The following COL11A1 variants were observed in gnomAD, a reference collection of about 807,000 sequenced individuals.
The protein encoded by COL11A1 is collagen type XI alpha 1 chain.
In COL11A1, 74 loss-of-function variants were observed where a neutral mutation model predicts 265.2. The observed-to-expected ratio is 0.28, with a 90% confidence interval of 0.23 to 0.34. The LOEUF is 0.34. Among genes scored for constraint, COL11A1 ranks in the 10% least tolerant of loss-of-function variants. COL11A1 has a pLI of 1.00. For synonymous variants in COL11A1, 816 were observed against 727.6 expected, an observed-to-expected ratio of 1.12 and a Z score of -1.96; for missense variants, 2,165 against 2,263.6, an observed-to-expected ratio of 0.96 and a Z score of 0.88.
At chr1:103,084,377 C>A (rs1672691200) in intron 1 of COL11A1, among the ~76,000 whole-genome samples, 4 of 152,144 alleles carry the variant, frequency 2.6e-5, no homozygotes, top group Middle Eastern at 3.4e-3. Context: ...ACATATATGC[C>A]TAAAATAATT....
chr1:103,066,149 C>A (rs886334830), intron 4 of COL11A1, among the ~76,000 whole-genome samples: 14 of 152,086 alleles, frequency 9.2e-5, no homozygotes, highest in African/African-American at 3.4e-4. Flanking sequence ...TTAAAGAAAA[C>A]TTTTTAGACT....
chr1:103,066,027 G>C (rs1356410083), intron 4 of COL11A1, among the ~76,000 whole-genome samples: 1 of 152,002 alleles, frequency 6.6e-6, no homozygotes, highest in Non-Finnish European at 1.5e-5. Flanking sequence ...TGTCAACCCA[G>C]AATTCTATGG....
intron 57 of COL11A1, among the ~76,000 whole-genome samples, chr1:102,893,688 A>G (rs927195240): frequency 6.6e-6 from 1 of 152,172 alleles, no homozygotes; most frequent in South Asian, 2.1e-4. Flanking sequence ...ACTTTCTGGA[A>G]TATTTGCTTT....
At chr1:102,898,885 A>C in intron 55 of COL11A1, 56 bp downstream of exon 55, 1 of 1,177,668 alleles carries the variant, frequency 8.5e-7, no homozygotes, top group Non-Finnish European at 1.2e-6. Context: ...TTCAAATATA[A>C]TACCTTGTAT....
intron 4 of COL11A1, among the ~76,000 whole-genome samples, chr1:103,037,137 T>C (rs989958926): frequency 6.1e-5 from 9 of 147,678 alleles, no homozygotes; most frequent in Non-Finnish European, 1.2e-4. Context: ...TGCATATATA[T>C]AATTTTATAT....
intron 54 of COL11A1, among the ~76,000 whole-genome samples, chr1:102,903,280 C>A (rs1295798267): frequency 6.6e-6 from 1 of 152,008 alleles, no homozygotes; most frequent in Non-Finnish European, 1.5e-5. Flanking sequence ...TGTTTAATAA[C>A]CACTAGAATT....
chr1:102,976,288 G>GTTTTTTT (rs1557893410), intron 35 of COL11A1, among the ~76,000 whole-genome samples: 2 of 45,236 alleles, frequency 4.4e-5, no homozygotes, highest in Non-Finnish European at 5.8e-5. Context: ...GAAAACGTTG[G>GTTTTTTT]CTTTTTTTTT....
At chr1:102,911,481 G>C (rs888170672) in intron 54 of COL11A1, among the ~76,000 whole-genome samples, 1 of 152,092 alleles carries the variant, frequency 6.6e-6, no homozygotes, top group African/African-American at 2.4e-5. Context: ...TCATGTGCCG[G>C]TTTGAAAATA....
chr1:103,003,245 T>C lies in COL11A1; in HGVS notation c.1968A>G (p.Pro656=), dbSNP rs1571000308. The C allele has an allele frequency of 1.2e-6, 2 of 1,613,552 alleles. No homozygotes were observed. The highest frequency in any genetic ancestry group is 1.7e-6 in the Non-Finnish European group (2 of 1,179,844). The change falls in exon 21 of 67, where the codon CCA becomes CCG. Residue 656 remains proline (P), a synonymous_variant. Coordinates refer to ENST00000370096, the MANE Select transcript of COL11A1 (RefSeq NM_001854.4). The part of the protein sequence containing the change: ...GEAGPRGLLG[P]RGTPGAPGQP... ...GCCCTGGAGCTCCTGGAGTTCCCCT[T>C]GGACCCAGCAAACCTCGTGGGCCCT... is the stretch of plus-strand genomic sequence containing the variant.
chr1:102,996,767 G>A (rs550560471), intron 26 of COL11A1, among the ~76,000 whole-genome samples: 37 of 151,662 alleles, frequency 2.4e-4, no homozygotes, highest in African/African-American at 7.7e-4. Context: ...ATAAAATTGG[G>A]GTTACATAAG....
intron 35 of COL11A1, among the ~76,000 whole-genome samples, chr1:102,977,649 T>A (rs2622844): frequency 0.32 from 48,232 of 151,964 alleles, 8,657 homozygotes; most frequent in African/African-American, 0.5. Flanking sequence ...TTATTTAGCC[T>A]TTTTAATTAA....
intron 6 of COL11A1, chr1:103,025,911 AGC>A: frequency 6.2e-7 from 1 of 1,612,758 alleles, no homozygotes; most frequent in Non-Finnish European, 8.5e-7. Context: ...TTGATTTAGT[AGC>A]CACTGTCCTC....
intron 10 of COL11A1, 91 bp from the exon 11 acceptor site, chr1:103,017,973 T>A: frequency 9.3e-7 from 1 of 1,071,428 alleles, no homozygotes; most frequent in Non-Finnish European, 1.4e-6. Context: ...AGTTCGTTTA[T>A]ATTTTATAAA....
intron 2 of COL11A1, 24 bp downstream of exon 2, chr1:103,082,781 A>G: frequency 2.5e-6 from 4 of 1,578,180 alleles, no homozygotes; most frequent in Non-Finnish European, 3.5e-6. Flanking sequence ...AATAATAACA[A>G]TAATAATAAT....
chr1:102,978,742 C>T lies in COL11A1; in HGVS notation c.2720G>A (p.Gly907Asp), dbSNP rs2101679173. Residue 907 changes from glycine (G) to aspartate (D), a missense_variant, in exon 35 of 67, where the codon GGT becomes GAT. Gly to Asp is a moderately conservative substitution (Grantham distance 94, BLOSUM62 -1). Transcript: ENST00000370096. The stretch of plus-strand genomic sequence containing the variant: ...TGGAGGGCCAGGAGGGCCATCGCCA[C>T]CTGAAGTGCCCTGGCACCAAGAAAA... ...TGKPGPKGTSGGDGPPGPPGE... is the reference protein window; with the variant it reads ...TGKPGPKGTSDGDGPPGPPGE... 1 of 1,614,128 alleles carries T rather than the reference C, an allele frequency of 6.2e-7. No individual in the cohort carries two copies. The highest frequency in any genetic ancestry group is 8.5e-7 in the Non-Finnish European group (1 of 1,180,014).
At chr1:103,027,911 T>C (rs1410503281) in intron 5 of COL11A1, among the ~76,000 whole-genome samples, 2 of 152,200 alleles carry the variant, frequency 1.3e-5, no homozygotes, top group African/African-American at 2.4e-5. Context: ...CTGTCCTTTA[T>C]TTAAACTCTC....
intron 15 of COL11A1, among the ~76,000 whole-genome samples, chr1:103,007,175 C>T (rs1239309113): frequency 6.6e-6 from 1 of 152,150 alleles, no homozygotes; most frequent in Non-Finnish European, 1.5e-5. Flanking sequence ...GTACACATCT[C>T]TTTTAATTAG....
At chr1:103,090,823 C>T (rs775111455) in intron 1 of COL11A1, among the ~76,000 whole-genome samples, 2 of 152,114 alleles carry the variant, frequency 1.3e-5, no homozygotes, top group African/African-American at 2.4e-5. Context: ...CTGTTATCTG[C>T]TTCCTCAGAC....
intron 42 of COL11A1, among the ~76,000 whole-genome samples, chr1:102,940,893 T>A (rs1658653540): frequency 6.6e-6 from 1 of 152,198 alleles, no homozygotes; most frequent in African/African-American, 2.4e-5. Context: ...TTGTTTTGGT[T>A]CTCCTGGTTT....
Sources: allele counts gnomAD v4.1 joint callset (sites outside exome capture counted in the v4.1 genomes callset), GRCh38; gene constraint gnomAD v4.1.1; transcripts MANE v1.5; gene names NCBI Gene and HGNC (gene_info 2026-07-23, HGNC 2026-07-21).